Variants in TUSC3 observed in about 807,000 individuals in gnomAD.
The protein encoded by TUSC3 is tumor suppressor candidate 3.
A neutral mutation model predicts 44.8 loss-of-function variants in TUSC3; 45 were observed. That is an observed-to-expected ratio of 1.00 (90% CI 0.79 to 1.29). TUSC3 has a LOEUF of 1.29. TUSC3 is among the 50% of genes most tolerant of loss of function. The pLI is 0.00. For missense variants in TUSC3, 519 were observed against 437.9 expected, an observed-to-expected ratio of 1.19 and a Z score of -1.65; for synonymous variants, 212 against 152.9, an observed-to-expected ratio of 1.39 and a Z score of -2.85.
chr8:15,814,180 C>G, the TUSC3 span, among the ~76,000 whole-genome samples: 1 of 152,154 alleles, frequency 6.6e-6, no homozygotes, highest in Non-Finnish European at 1.5e-5. Flanking sequence ...ATTAAGAACT[C>G]AATTTAATGT....
Position 15,673,205 on chromosome 8 carries a change from C to G in TUSC3, c.709-542C>G, listed in dbSNP as rs965502298. Among the ~76,000 whole-genome samples the G allele has an allele frequency of 2.0e-5, 3 of 151,966 alleles. No homozygotes were observed. The South Asian group carries it at 6.2e-4, about 31-fold the overall frequency. On this transcript the variant is annotated intron_variant, in intron 5 of 10. Coordinates refer to ENST00000503731, the MANE Select transcript of TUSC3 (RefSeq NM_006765.4). ...TATAATCTTTGCGAGTTATTCCTGGCTATGTCTTTTTGTGATTTCTTCCAT... is the reference window on the plus strand; with the variant it reads ...TATAATCTTTGCGAGTTATTCCTGGGTATGTCTTTTTGTGATTTCTTCCAT...
rs118030608 is a variant in TUSC3, at chr8:15,678,893, G to T, written c.798+5057G>T. On this transcript the variant is annotated intron_variant, in intron 6 of 10. Transcript: ENST00000503731. ...ATAAAATATTTGGTTTTCTGTTTCT[G>T]TGTGAATTTGCACCTCTAGCTGCAT... Among the ~76,000 whole-genome samples, 523 of 152,270 alleles carry T rather than the reference G, an allele frequency of 3.4e-3. 8 individuals carry two copies. In the East Asian group the frequency reaches 0.036, roughly 10 times the overall value.
the TUSC3 span, among the ~76,000 whole-genome samples, chr8:15,796,497 G>A: frequency 6.6e-6 from 1 of 152,148 alleles, no homozygotes; most frequent in Non-Finnish European, 1.5e-5. Flanking sequence ...GCCTTGAGCT[G>A]TGCCCACATA....
the TUSC3 span, among the ~76,000 whole-genome samples, chr8:15,812,095 G>A: frequency 6.6e-6 from 1 of 152,122 alleles, no homozygotes; most frequent in African/African-American, 2.4e-5. Context: ...AGGTTTTTGG[G>A]ACATCCAACT....
the TUSC3 span, among the ~76,000 whole-genome samples, chr8:15,808,464 G>C: frequency 2.0e-5 from 3 of 152,022 alleles, no homozygotes; most frequent in African/African-American, 7.2e-5. Context: ...AAAGCTTAAG[G>C]GGTTAGAAAA....
At chr8:15,716,350 C>T (rs943435784) in intron 6 of TUSC3, among the ~76,000 whole-genome samples, 7 of 151,478 alleles carry the variant, frequency 4.6e-5, no homozygotes, top group African/African-American at 1.2e-4. Context: ...TGAGGGATTT[C>T]GTATGAATTA....
the TUSC3 span, among the ~76,000 whole-genome samples, chr8:15,778,745 T>C: frequency 3.3e-5 from 5 of 152,182 alleles, no homozygotes; most frequent in Non-Finnish European, 1.5e-5. Context: ...GAAAGGGCCC[T>C]ATTACTGGCC....
chr8:15,766,353 A>G lies in TUSC3; in HGVS notation c.*2197A>G, dbSNP rs1812325514. On this transcript the variant is annotated 3_prime_UTR_variant, in exon 11 of 11. Coordinates refer to ENST00000503731, the MANE Select transcript of TUSC3 (RefSeq NM_006765.4). ...CAGAATGTAACGTGCAAAATCACATACATGCGATGTATTTACCTTTGCTAG... is the reference window on the plus strand; with the variant it reads ...CAGAATGTAACGTGCAAAATCACATGCATGCGATGTATTTACCTTTGCTAG... The G allele has an allele frequency of 6.6e-6, 1 of 152,122 alleles. No individual in the cohort carries two copies. The highest frequency in any genetic ancestry group is 2.4e-5 in the African/African-American group (1 of 41,436). The allele number at this position is 152,122 out of a possible 1,614,324, so 9.4% of individuals were successfully genotyped here. A position where few individuals can be genotyped will look rare whatever the true frequency, so the allele number is the denominator to read the frequency against.
At chr8:15,596,549 T>A (rs532538611) in intron 1 of TUSC3, among the ~76,000 whole-genome samples, 33 of 152,288 alleles carry the variant, frequency 2.2e-4, no homozygotes, top group African/African-American at 7.5e-4. Context: ...ACCCTGTGCA[T>A]ACTGAGGAAT....
chr8:15,686,389 A>G (rs947552161), intron 6 of TUSC3, among the ~76,000 whole-genome samples: 1 of 152,100 alleles, frequency 6.6e-6, no homozygotes, highest in African/African-American at 2.4e-5. Context: ...CTGCATTACA[A>G]TTCAGTTGTG....
intron 6 of TUSC3, among the ~76,000 whole-genome samples, chr8:15,682,470 G>T (rs182730998): frequency 2.0e-5 from 3 of 151,822 alleles, no homozygotes; most frequent in Non-Finnish European, 2.9e-5. Context: ...CTTTTATCTC[G>T]TGTAAGTACA....
chr8:15,774,692 T>G, the TUSC3 span, among the ~76,000 whole-genome samples: 6 of 152,000 alleles, frequency 3.9e-5, no homozygotes, highest in Non-Finnish European at 7.4e-5. Flanking sequence ...AACATCAGAG[T>G]AAAATATACA....
chr8:15,544,363 C>T (rs1801793025), intron 1 of TUSC3, among the ~76,000 whole-genome samples: 1 of 151,590 alleles, frequency 6.6e-6, no homozygotes, highest in African/African-American at 2.4e-5. Context: ...ATTTCCAGTA[C>T]ACTTATTGAC....
intron 1 of TUSC3, among the ~76,000 whole-genome samples, chr8:15,436,408 T>A (rs915142405): frequency 5.9e-5 from 9 of 152,340 alleles, no homozygotes; most frequent in Middle Eastern, 3.4e-3. Context: ...AAATTTTAGA[T>A]TCGACCAACA....
chr8:15,585,406 A>C (rs1450761383), intron 1 of TUSC3, among the ~76,000 whole-genome samples: 1 of 152,214 alleles, frequency 6.6e-6, no homozygotes, highest in East Asian at 1.9e-4. Context: ...AGAAGTAAGA[A>C]ACGTGGACAC....
intron 1 of TUSC3, among the ~76,000 whole-genome samples, chr8:15,456,471 A>T (rs914302240): frequency 6.6e-6 from 1 of 152,206 alleles, no homozygotes; most frequent in Non-Finnish European, 1.5e-5. Flanking sequence ...CTATGGAAGA[A>T]TAAGAAAAGA....
chr8:15,776,542 G>C, the TUSC3 span, among the ~76,000 whole-genome samples: 2 of 152,030 alleles, frequency 1.3e-5, no homozygotes, highest in Non-Finnish European at 2.9e-5. Flanking sequence ...GTAAGTTTCA[G>C]CACAGCCCTC....
chr8:15,505,825 C>G (rs954067281), intron 2 of TUSC3, among the ~76,000 whole-genome samples: 1 of 151,976 alleles, frequency 6.6e-6, no homozygotes, highest in Non-Finnish European at 1.5e-5. Context: ...TGAAAAAATT[C>G]AATAGTCTTC....
At position 15,463,019 on chromosome 8, in the gene TUSC3, G is replaced by C. The variant is rs560307497; in HGVS notation, n.92-20367G>C. 1.4e-4 allele frequency among the ~76,000 whole-genome samples: 22 copies of C among 151,968 alleles called. 1 individual carries two copies. Among genetic ancestry groups the C allele is most frequent in the African/African-American group, 5.1e-4 (21 of 41,496 alleles). The stretch of plus-strand genomic sequence containing the variant: ...TTTTGTTCTCTTCTCTTTATTTTCT[G>C]TTTCTCCTCCTCCTCATCTTCCTCC... On this transcript the variant is annotated intron_variant and non_coding_transcript_variant, in intron 1 of 5. Coordinates refer to the TUSC3 transcript ENST00000503191.
Sources: allele counts gnomAD v4.1 joint callset (sites outside exome capture counted in the v4.1 genomes callset), GRCh38; gene constraint gnomAD v4.1.1; transcripts MANE v1.5; gene names NCBI Gene and HGNC (gene_info 2026-07-23, HGNC 2026-07-21).